TRAF4: variants seen among roughly 807,000 people sequenced by gnomAD.
The protein encoded by TRAF4 is TNF receptor associated factor 4, also known as TNF receptor-associated factor 4.
A neutral mutation model predicts 47.3 loss-of-function variants in TRAF4; 9 were observed. The observed-to-expected ratio is 0.19, with a 90% confidence interval of 0.11 to 0.33. The LOEUF (loss-of-function observed/expected upper bound fraction) is 0.33. Ranked by LOEUF, TRAF4 falls within the 10% of genes least tolerant of loss-of-function variation. The probability of loss-of-function intolerance (pLI) is 1.00; values close to 1 mark genes in which losing one functional copy is unlikely to be tolerated. For missense variants in TRAF4, 448 were observed against 620.3 expected, an observed-to-expected ratio of 0.72 and a Z score of 2.95; for synonymous variants, 236 against 236.9, an observed-to-expected ratio of 1.00 and a Z score of 0.04.
Position 28,750,722 on chromosome 17 carries a change from A to G in TRAF4, c.*1145A>G, listed in dbSNP as rs1433784341. 1 of 152,224 alleles carries G rather than the reference A, an allele frequency of 6.6e-6. No individual in the cohort carries two copies. Among genetic ancestry groups the G allele is most frequent in the Non-Finnish European group, 1.5e-5 (1 of 68,040 alleles). The allele number at this position is 152,224 out of a possible 1,614,324, so 9.4% of individuals were successfully genotyped here. A position where few individuals can be genotyped will look rare whatever the true frequency, so the allele number is the denominator to read the frequency against. ...TCCACGTTTCACCTATGAAACATGAACAGAGGAGACTGACTTATCAGTGAT... is the reference window on the plus strand; with the variant it reads ...TCCACGTTTCACCTATGAAACATGAGCAGAGGAGACTGACTTATCAGTGAT... On this transcript the variant is annotated 3_prime_UTR_variant, in exon 7 of 7. Transcript: ENST00000262395.
At position 28,746,544 on chromosome 17, in the gene TRAF4, G is replaced by A. The variant is rs185595316; in HGVS notation, c.144-669G>A. On this transcript the variant is annotated intron_variant, in intron 1 of 6. Coordinates refer to ENST00000262395, the MANE Select transcript of TRAF4 (RefSeq NM_004295.4). The stretch of plus-strand genomic sequence containing the variant: ...GTGTGGTGTAGTAGAGCCTGTCTGA[G>A]CTGTGGAGTCAGACACACATAGCCA... Among the ~76,000 whole-genome samples, 7 of 152,338 alleles carry A rather than the reference G, an allele frequency of 4.6e-5. No individual in the cohort carries two copies. The East Asian group carries it at 1.4e-3, about 29-fold the overall frequency.
intron 3 of TRAF4, 22 bp from the exon 4 acceptor site, chr17:28,747,995 C>T (rs1363007121): frequency 1.9e-6 from 3 of 1,614,036 alleles, no homozygotes; most frequent in Non-Finnish European, 2.5e-6. Context: ...TTGGCAGGCA[C>T]TAATTGCAGC....
At chr17:28,746,170 C>T (rs1055323584) in intron 1 of TRAF4, among the ~76,000 whole-genome samples, 3 of 152,228 alleles carry the variant, frequency 2.0e-5, no homozygotes, top group Non-Finnish European at 4.4e-5. Flanking sequence ...CCCATGTGGG[C>T]TCTGGTTCCG....
intron 2 of TRAF4, 85 bp from the exon 3 acceptor site, chr17:28,747,758 G>GAGCC: frequency 7.3e-7 from 1 of 1,366,012 alleles, no homozygotes; most frequent in Non-Finnish European, 1.0e-6. Context: ...CTCCAAGGTA[G>GAGCC]AGCCAGCCCA....
rs1244546974 is a variant in TRAF4 at position 28,748,363 on chromosome 17, C to T, written c.564C>T (p.Cys188=). The T allele has an allele frequency of 6.2e-7, 1 of 1,613,532 alleles. No homozygotes were observed. The highest frequency in any genetic ancestry group is 1.1e-5 in the South Asian group (1 of 91,046). ...RLLAQHATSE[C]PKRTQPCTYC... is the part of the protein sequence containing the mutation. ...TGGCCCAGCATGCCACCTCTGAGTG[C>T]CCCAAGCGCACTCAGCCCTGCACCT... The change falls in exon 5 of 7, where the codon TGC becomes TGT. Residue 188 remains cysteine, a synonymous_variant. Coordinates refer to ENST00000262395, the MANE Select transcript of TRAF4 (RefSeq NM_004295.4).
intron 2 of TRAF4, chr17:28,747,553 C>T: frequency 1.7e-6 from 1 of 583,070 alleles, no homozygotes; most frequent in Non-Finnish European, 3.0e-6. Flanking sequence ...GGCTGAGGGC[C>T]AGTATCCCTC....
At chr17:28,745,301 G>C (rs763948885) in intron 1 of TRAF4, 1 of 152,584 alleles carries the variant, frequency 6.6e-6, no homozygotes, top group Non-Finnish European at 1.5e-5. Context: ...CACAGCCTGG[G>C]CCGGCTCCTG....
chr17:28,749,427 C>T lies in TRAF4; in HGVS notation c.1263C>T (p.Gly421=), dbSNP rs375520998. Reference sequence around the variant, plus strand: ...ACTGGAAGAATTTCCAGAAGCCAGGCACGTGGCGGGGCTCCCTGGATGAGA... The same window carrying T: ...ACTGGAAGAATTTCCAGAAGCCAGGTACGTGGCGGGGCTCCCTGGATGAGA... ...DPNWKNFQKP[G]TWRGSLDESS... Residue 421 remains glycine (G), a synonymous_variant, in exon 7 of 7, where the codon GGC becomes GGT. Transcript: ENST00000262395. The T allele has an allele frequency of 1.0e-4, 164 of 1,613,888 alleles. 1 individual carries two copies. The highest frequency in any genetic ancestry group is 1.3e-4 in the Non-Finnish European group (158 of 1,180,048).
intron 2 of TRAF4, chr17:28,747,626 C>G (rs1039210196): frequency 6.7e-6 from 4 of 596,544 alleles, no homozygotes; most frequent in Non-Finnish European, 1.2e-5. Context: ...GATTGGCTGC[C>G]TCTTCAAAGG....
In TRAF4 at chr17:28,747,920, C is replaced by T. The variant is rs2034540676; in HGVS notation, c.273C>T (p.Arg91=). The T allele has an allele frequency of 2.5e-6, 4 of 1,614,156 alleles. No individual in the cohort carries two copies. Among genetic ancestry groups the T allele is most frequent in the Non-Finnish European group, 3.4e-6 (4 of 1,180,036 alleles). The change falls in exon 3 of 7, where the codon CGC becomes CGT. Residue 91 remains arginine, a synonymous_variant. Coordinates refer to ENST00000262395, the MANE Select transcript of TRAF4 (RefSeq NM_004295.4). ...IRCIHSEEGC[R]WSGPLRHLQG... ...GCATCCACAGTGAGGAGGGCTGCCGCTGGAGTGGGCCACTACGTCATCTAC... is the reference window on the plus strand; with the variant it reads ...GCATCCACAGTGAGGAGGGCTGCCGTTGGAGTGGGCCACTACGTCATCTAC...
In TRAF4 at chr17:28,749,119, C is replaced by T. The variant is rs368789267; in HGVS notation, c.955C>T (p.Arg319Trp). 6.8e-6 allele frequency: 11 copies of T among 1,613,976 alleles called. No individual in the cohort carries two copies. The highest frequency in any genetic ancestry group is 6.7e-5 in the African/African-American group (5 of 74,956). ...CATCTGGAAGATTGGCAGCTATGGA[C>T]GGCGGCTACAGGAGGCCAAGGCCAA... ...VLIWKIGSYG[R>W]RLQEAKAKPN... Residue 319 changes from arginine to tryptophan, a missense_variant, in exon 7 of 7, where the codon CGG (arginine) becomes TGG (tryptophan). Coordinates refer to ENST00000262395, the MANE Select transcript of TRAF4 (RefSeq NM_004295.4).
chr17:28,747,744 C>T (rs2034537587), intron 2 of TRAF4, 99 bp from the exon 3 acceptor site: 5 of 1,173,384 alleles, frequency 4.3e-6, no homozygotes, highest in Non-Finnish European at 6.1e-6. Flanking sequence ...GAGGCTATTA[C>T]AGGCTCCAAG....
At chr17:28,747,753 A>G in intron 2 of TRAF4, 90 bp from the exon 3 acceptor site, 1 of 1,291,220 alleles carries the variant, frequency 7.7e-7, no homozygotes, top group Non-Finnish European at 1.1e-6. Flanking sequence ...ACAGGCTCCA[A>G]GGTAGAGCCA....
Position 28,749,068 on chromosome 17 carries a change from C to A in TRAF4, c.904C>A (p.Leu302Ile). The A allele has an allele frequency of 1.2e-6, 2 of 1,614,002 alleles. No homozygotes were observed. The highest frequency in any genetic ancestry group is 1.7e-6 in the Non-Finnish European group (2 of 1,180,046). The change falls in exon 7 of 7, where the codon CTA (leucine) becomes ATA (isoleucine). Residue 302 changes from leucine to isoleucine, a missense_variant. Leu to Ile is a conservative substitution (Grantham distance 5). Transcript: ENST00000262395. ...GGAGCTTCGGCGAGAGCTGGAGGAG[C>A]TATCAGTGGGCAGTGATGGCGTGCT... ...LQELRRELEE[L>I]SVGSDGVLIW... is the part of the protein sequence containing the mutation.
intron 1 of TRAF4, among the ~76,000 whole-genome samples, chr17:28,744,528 T>TCC (rs2034478762): frequency 2.0e-5 from 3 of 151,924 alleles, no homozygotes; most frequent in African/African-American, 7.3e-5. Flanking sequence ...AAGAGGCCCT[T>TCC]CCCCGTCACC....
intron 1 of TRAF4, among the ~76,000 whole-genome samples, chr17:28,746,139 G>A (rs2034509330): frequency 6.6e-6 from 1 of 152,232 alleles, no homozygotes; most frequent in Admixed American, 6.5e-5. Context: ...GGGTCCTGGA[G>A]AGTGCCTCTA....
chr17:28,748,927 C>T lies in TRAF4; in HGVS notation c.781-18C>T, dbSNP rs1304218977. Reference sequence around the variant, plus strand: ...TAACTCTCCTCCCTTCCCCCATGGCCTGGGGCTTTGCCAACAGTGCCCTAA... The same window carrying T: ...TAACTCTCCTCCCTTCCCCCATGGCTTGGGGCTTTGCCAACAGTGCCCTAA... On this transcript the variant is annotated intron_variant, in intron 6 of 6. Transcript: ENST00000262395. 2 of 1,599,192 alleles carry T rather than the reference C, an allele frequency of 1.3e-6. No individual in the cohort carries two copies. The highest frequency in any genetic ancestry group is 1.7e-6 in the Non-Finnish European group (2 of 1,172,968).
At chr17:28,744,590 CA>C (rs2034479858) in intron 1 of TRAF4, 1 of 254,176 alleles carries the variant, frequency 3.9e-6, no homozygotes, top group Non-Finnish European at 7.7e-6. Flanking sequence ...GGGAAGAGGA[CA>C]AAACCCGCTC....
chr17:28,750,110 G>T lies in TRAF4; in HGVS notation c.*533G>T, dbSNP rs971907842. The T allele has an allele frequency of 3.3e-5, 18 of 552,452 alleles. No homozygotes were observed. In the East Asian group the frequency reaches 5.4e-4, roughly 17 times the overall value. 34.2% of individuals were successfully genotyped at this position (552,452 alleles called of 1,614,324 possible). ...CTTCCAGCCTGACTTACCTGGGTTG[G>T]TTAGGTCCCTGGGAGGCTCAACCAA... On this transcript the variant is annotated 3_prime_UTR_variant, in exon 7 of 7. Transcript: ENST00000262395.
Sources: allele counts gnomAD v4.1 joint callset (sites outside exome capture counted in the v4.1 genomes callset), GRCh38; gene constraint gnomAD v4.1.1; transcripts MANE v1.5; gene names NCBI Gene and HGNC (gene_info 2026-07-23, HGNC 2026-07-21).